ZNF644: variants seen among roughly 807,000 people sequenced by gnomAD.
ZNF644 encodes zinc finger motif enhancer binding protein 2.
Under a neutral mutation model 108.0 loss-of-function variants are expected in ZNF644, and 20 were observed. The observed-to-expected ratio is 0.19, with a 90% CI of 0.13 to 0.27. ZNF644 has a LOEUF of 0.27. ZNF644 is among the 10% of genes least tolerant of loss of function. The pLI, the probability that ZNF644 is intolerant of heterozygous loss-of-function variation, is 1.00. For synonymous variants in ZNF644, 542 were observed against 539.1 expected, an observed-to-expected ratio of 1.01 and a Z score of -0.08; for missense variants, 1,338 against 1,548.9, an observed-to-expected ratio of 0.86 and a Z score of 2.29.
chr1:90,962,318 T>C (rs1055561110), intron 2 of ZNF644, among the ~76,000 whole-genome samples: 3 of 151,784 alleles, frequency 2.0e-5, no homozygotes, highest in Non-Finnish European at 4.4e-5. Context: ...AGTAGACCAA[T>C]GGGGGAAAAA....
intron 4 of ZNF644, among the ~76,000 whole-genome samples, chr1:90,937,230 G>A (rs2100924219): frequency 6.6e-6 from 1 of 152,210 alleles, no homozygotes; most frequent in East Asian, 1.9e-4. Context: ...GTGTGTGTGT[G>A]TGGTTTTCTT....
chr1:90,992,004 A>C (rs1379293596), intron 1 of ZNF644, among the ~76,000 whole-genome samples: 1 of 152,206 alleles, frequency 6.6e-6, no homozygotes, highest in African/African-American at 2.4e-5. Context: ...AACATGAATG[A>C]ATCTCAAAAA....
At chr1:90,987,077 A>C (rs544638224) in intron 1 of ZNF644, among the ~76,000 whole-genome samples, 15 of 150,152 alleles carry the variant, frequency 1.0e-4, no homozygotes, top group African/African-American at 2.0e-4. Flanking sequence ...AAAAAAAAAA[A>C]CCCACAAATC....
intron 1 of ZNF644, among the ~76,000 whole-genome samples, chr1:90,994,346 G>C (rs1295378870): frequency 6.6e-6 from 1 of 152,104 alleles, no homozygotes; most frequent in Non-Finnish European, 1.5e-5. Flanking sequence ...GAATGCTAGA[G>C]ACCCCACAAG....
At chr1:90,995,266 G>A (rs918472878) in intron 1 of ZNF644, among the ~76,000 whole-genome samples, 4 of 152,014 alleles carry the variant, frequency 2.6e-5, no homozygotes, top group African/African-American at 9.7e-5. Context: ...TTCCTCAGAT[G>A]AGTCAACAGA....
Position 90,938,492 on chromosome 1 carries a change from A to G in ZNF644, c.2862T>C (p.His954=), listed in dbSNP as rs1195425596. ...TCTTCTCAAGAGACAAATCAGTCCA[A>G]TGAAAAACAGAACTATGCTTTGACA... The part of the protein sequence containing the change: ...ASLSKHSSVF[H]WTDLSLEKKS... Residue 954 remains histidine (H), a synonymous_variant, in exon 3 of 6, where the codon CAT becomes CAC. Transcript: ENST00000337393. This position sits in a 1 kb window ranked among gnomAD's most constrained non-coding sequence, Gnocchi z 4.2. 1 of 1,614,026 alleles carries G rather than the reference A, an allele frequency of 6.2e-7. No homozygotes were observed.
intron 2 of ZNF644, among the ~76,000 whole-genome samples, chr1:90,955,183 T>C (rs1209922682): frequency 6.6e-6 from 1 of 152,210 alleles, no homozygotes; most frequent in Non-Finnish European, 1.5e-5. Context: ...AAATAGTTCA[T>C]AAACCATGCT....
At position 90,923,642 on chromosome 1, in the gene ZNF644, T is replaced by C. The variant is rs546642; in HGVS notation, c.3689-5488A>G. 1.5e-3 allele frequency among the ~76,000 whole-genome samples: 230 copies of C among 152,288 alleles called. 4 individuals are homozygous for C. The highest frequency in any genetic ancestry group is 0.01 in the Middle Eastern group (3 of 294). ...TTTTTAGTACCCTAAATAACTTTCA[T>C]TAATTTTTAGAGTTTCCACTCCCAA... On this transcript the variant is annotated intron_variant, in intron 4 of 5. Coordinates refer to ENST00000337393, the MANE Select transcript of ZNF644 (RefSeq NM_201269.3).
At chr1:90,951,507 C>T (rs1653162180) in intron 2 of ZNF644, among the ~76,000 whole-genome samples, 1 of 152,156 alleles carries the variant, frequency 6.6e-6, no homozygotes, top group Non-Finnish European at 1.5e-5. Flanking sequence ...AGATGGAATG[C>T]TCTTTCTCCC....
At chr1:91,010,405 A>ATT (rs35003941) in intron 1 of ZNF644, among the ~76,000 whole-genome samples, 31 of 132,612 alleles carry the variant, frequency 2.3e-4, no homozygotes, top group Admixed American at 6.0e-4. Flanking sequence ...CGCTTGGCTA[A>ATT]TTTTTTTTTT....
rs1483344045 is a variant in ZNF644, at chr1:90,950,278, A to AG, written c.45-8970dup. ...GGCGACAGAGTGAGATTCCATCTCA[A>AG]GGGAAGGGAAGGGAAGGGGAGGGGA... On this transcript the variant is annotated intron_variant, in intron 2 of 5. Transcript: ENST00000337393. Among the ~76,000 whole-genome samples, 58 of 20,774 alleles carry AG rather than the reference A, an allele frequency of 2.8e-3. 5 individuals carry two copies. Among genetic ancestry groups the AG allele is most frequent in the Non-Finnish European group, 3.3e-3 (36 of 10,976 alleles). The allele number at this position is 20,774 out of a possible 152,430, so 13.6% of individuals were successfully genotyped here. A position where few individuals can be genotyped will look rare whatever the true frequency, so the allele number is the denominator to read the frequency against.
chr1:90,949,697 A>ATTGATGGTTT (rs1210070320), intron 2 of ZNF644, among the ~76,000 whole-genome samples: 2 of 152,232 alleles, frequency 1.3e-5, no homozygotes, highest in Non-Finnish European at 2.9e-5. Context: ...CAAGAAATAT[A>ATTGATGGTTT]TTGATGGTTT....
chr1:91,018,511 T>G (rs1255591758), intron 1 of ZNF644, among the ~76,000 whole-genome samples: 1 of 152,234 alleles, frequency 6.6e-6, no homozygotes, highest in Admixed American at 6.5e-5. Context: ...TTTACAAGGT[T>G]ACTAATTTAA....
intron 2 of ZNF644, among the ~76,000 whole-genome samples, chr1:90,945,860 G>T (rs569855684): frequency 2.6e-5 from 4 of 151,996 alleles, no homozygotes; most frequent in Non-Finnish European, 5.9e-5. Flanking sequence ...GCCAACCTTT[G>T]TTGTGTTGTA....
chr1:90,996,992 C>A (rs1658205603), intron 1 of ZNF644, among the ~76,000 whole-genome samples: 1 of 152,132 alleles, frequency 6.6e-6, no homozygotes, highest in African/African-American at 2.4e-5. Flanking sequence ...CTAGGACAAC[C>A]AAAGGACATT....
At chr1:91,016,110 ATG>A (rs139752384) in intron 1 of ZNF644, among the ~76,000 whole-genome samples, 3 of 152,156 alleles carry the variant, frequency 2.0e-5, no homozygotes, top group East Asian at 1.9e-4. Context: ...TTGTGATTCT[ATG>A]TGTGTGTGTG....
chr1:90,964,770 T>C (rs555903889), intron 2 of ZNF644, among the ~76,000 whole-genome samples: 1 of 152,220 alleles, frequency 6.6e-6, no homozygotes, highest in African/African-American at 2.4e-5. Flanking sequence ...AGTATATTAG[T>C]ATGAAACTTT....
chr1:90,959,037 A>C (rs966490525), intron 2 of ZNF644, among the ~76,000 whole-genome samples: 11 of 152,226 alleles, frequency 7.2e-5, no homozygotes, highest in Admixed American at 7.2e-4. Context: ...AAATATATTA[A>C]TATCCAGAAC....
At chr1:90,930,051 C>G (rs528582269) in intron 4 of ZNF644, among the ~76,000 whole-genome samples, 1 of 152,188 alleles carries the variant, frequency 6.6e-6, no homozygotes, top group Non-Finnish European at 1.5e-5. Context: ...CTTTGGGAAG[C>G]CCAGGCGGGT....
Sources: allele counts gnomAD v4.1 joint callset (sites outside exome capture counted in the v4.1 genomes callset), GRCh38; gene constraint gnomAD v4.1.1; non-coding constraint Gnocchi (gnomAD v3.1); transcripts MANE v1.5; gene names NCBI Gene and HGNC (gene_info 2026-07-23, HGNC 2026-07-21).